MACROD2: variants seen among roughly 807,000 people sequenced by gnomAD.
MACROD2 encodes mono-ADP ribosylhydrolase 2.
A neutral mutation model predicts 70.4 loss-of-function variants in MACROD2; 36 were observed. The observed-to-expected ratio is 0.51, with a 90% CI of 0.39 to 0.68. The LOEUF (loss-of-function observed/expected upper bound fraction) is 0.68. Ranked by LOEUF, MACROD2 falls within the 30% of genes least tolerant of loss-of-function variation. MACROD2 has a pLI of 0.00. For synonymous variants in MACROD2, 172 were observed against 178.8 expected (o/e 0.96, Z 0.30); for missense variants, 496 against 538.4 (o/e 0.92, Z 0.78).
intron 3 of MACROD2, among the ~76,000 whole-genome samples, chr20:14,440,478 A>T (rs2084108977): frequency 6.6e-6 from 1 of 152,158 alleles, no homozygotes; most frequent in African/African-American, 2.4e-5. Context: ...CCTGAAGAAC[A>T]TTGCCTGGCT....
chr20:15,884,602 A>G (rs2064799051), intron 9 of MACROD2, among the ~76,000 whole-genome samples: 1 of 152,042 alleles, frequency 6.6e-6, no homozygotes, highest in Non-Finnish European at 1.5e-5. Flanking sequence ...GGAGAGAGAA[A>G]AAGAGAGGAG....
chr20:15,024,548 A>G (rs1470231327), intron 5 of MACROD2, among the ~76,000 whole-genome samples: 1 of 152,036 alleles, frequency 6.6e-6, no homozygotes, highest in Non-Finnish European at 1.5e-5. Flanking sequence ...TATCATAATA[A>G]AAAACATTTG....
Position 14,802,520 on chromosome 20 carries a change from C to T in MACROD2, c.418+117561C>T, listed in dbSNP as rs577774281. Among the ~76,000 whole-genome samples, 35 of 151,996 alleles carry T rather than the reference C, an allele frequency of 2.3e-4. No homozygotes were observed. In the East Asian group the frequency reaches 6.2e-3, roughly 27 times the overall value. The stretch of plus-strand genomic sequence containing the variant: ...GTGCTTACACATTCAGTCACACATA[C>T]GCAATTATTTCTTTTAATTTAGACA... On this transcript the variant is annotated intron_variant, in intron 5 of 17. Coordinates refer to ENST00000684519, the MANE Select transcript of MACROD2 (RefSeq NM_001351661.2).
rs571349392 is a variant in MACROD2 at position 15,348,862 on chromosome 20, G to A, written c.541-82543G>A. On this transcript the variant is annotated intron_variant, in intron 6 of 17. Coordinates refer to ENST00000684519, the MANE Select transcript of MACROD2 (RefSeq NM_001351661.2). Reference sequence around the variant, plus strand: ...GAGCTACAATTCAAGATAAGATTTGGGCGGGGTCACAGCCAAACAATATCA... The same window carrying A: ...GAGCTACAATTCAAGATAAGATTTGAGCGGGGTCACAGCCAAACAATATCA... Among the ~76,000 whole-genome samples, 11 of 152,180 alleles carry A rather than the reference G, an allele frequency of 7.2e-5. No individual in the cohort carries two copies. In the East Asian group the frequency reaches 1.9e-3, roughly 27 times the overall value.
rs184471423 is a variant in MACROD2 at position 14,564,443 on chromosome 20, A to G, written c.301+70935A>G. 4.6e-4 allele frequency among the ~76,000 whole-genome samples: 70 copies of G among 152,120 alleles called. No individual in the cohort carries two copies. The Middle Eastern group carries it at 0.017, about 37-fold the overall frequency. On this transcript the variant is annotated intron_variant, in intron 4 of 17. Transcript: ENST00000684519. ...GAATGGGAGAAAATATTTGCAAACA[A>G]TGCATCTGGACAAAGGTCTAATATC...
At chr20:14,103,045 T>G (rs2054320036) in intron 3 of MACROD2, among the ~76,000 whole-genome samples, 1 of 152,196 alleles carries the variant, frequency 6.6e-6, no homozygotes, top group Non-Finnish European at 1.5e-5. Context: ...GCCCTGCATC[T>G]CAGCGTCTTT....
At position 15,688,349 on chromosome 20, in the gene MACROD2, G is replaced by A. The variant is rs568353498; in HGVS notation, c.646-174396G>A. On this transcript the variant is annotated intron_variant, in intron 8 of 17. Transcript: ENST00000684519. Reference sequence around the variant, plus strand: ...TCCTCAGGTCAGCCAGTTCTCCCTGGGATAGAGGAACCAGGGAAGAATCAA... The same window carrying A: ...TCCTCAGGTCAGCCAGTTCTCCCTGAGATAGAGGAACCAGGGAAGAATCAA... Among the ~76,000 whole-genome samples the A allele has an allele frequency of 6.6e-5, 10 of 152,274 alleles. No individual in the cohort carries two copies. In the South Asian group the frequency reaches 1.9e-3, roughly 28 times the overall value.
chr20:15,703,233 C>G (rs2050485864), intron 8 of MACROD2, among the ~76,000 whole-genome samples: 1 of 152,200 alleles, frequency 6.6e-6, no homozygotes. Flanking sequence ...GAATAAAGAT[C>G]TGTTCTAATT....
chr20:14,432,350 G>A (rs747803606), intron 3 of MACROD2, among the ~76,000 whole-genome samples: 6 of 151,400 alleles, frequency 4.0e-5, no homozygotes, highest in Non-Finnish European at 8.8e-5. Flanking sequence ...CTGTTTAAAT[G>A]GAATTGTTTA....
chr20:15,887,414 G>C lies in MACROD2; in HGVS notation c.775+1603G>C, dbSNP rs530511246. ...AAAGTCAGGAGCAGGAATAAAGGAG[G>C]TAGAAGAGGAACTGTAGCAGTGGCT... On this transcript the variant is annotated intron_variant, in intron 10 of 17. Transcript: ENST00000684519. 1.5e-4 allele frequency among the ~76,000 whole-genome samples: 23 copies of C among 152,278 alleles called. No homozygotes were observed. The South Asian group carries it at 4.8e-3, about 32-fold the overall frequency.
At chr20:14,322,459 A>T (rs1224141702) in intron 3 of MACROD2, among the ~76,000 whole-genome samples, 3 of 145,126 alleles carry the variant, frequency 2.1e-5, no homozygotes, top group Non-Finnish European at 4.5e-5. Flanking sequence ...GACTTTATGG[A>T]GACATCCAGT....
chr20:15,795,919 A>G (rs950202355), intron 8 of MACROD2, among the ~76,000 whole-genome samples: 6 of 152,190 alleles, frequency 3.9e-5, no homozygotes, highest in African/African-American at 1.4e-4. Context: ...TCATAATGCC[A>G]CATTAGCATT....
chr20:13,999,990 G>A (rs1276779321), intron 1 of MACROD2, among the ~76,000 whole-genome samples: 2 of 152,076 alleles, frequency 1.3e-5, no homozygotes, highest in African/African-American at 2.4e-5. Flanking sequence ...CTCCAGCCTG[G>A]TGACAGAGCA....
intron 3 of MACROD2, among the ~76,000 whole-genome samples, chr20:14,360,391 T>C (rs1186916761): frequency 6.6e-6 from 1 of 152,220 alleles, no homozygotes; most frequent in Non-Finnish European, 1.5e-5. Context: ...ACAATTTGTA[T>C]TTAAAAAACA....
chr20:15,238,729 C>T (rs932166476), intron 6 of MACROD2, among the ~76,000 whole-genome samples: 15 of 152,080 alleles, frequency 9.9e-5, no homozygotes, highest in Non-Finnish European at 2.2e-4. Context: ...AGATGTAAGT[C>T]TACTAGCAAG....
intron 5 of MACROD2, among the ~76,000 whole-genome samples, chr20:15,006,476 C>T (rs1411431263): frequency 4.0e-5 from 6 of 151,654 alleles, no homozygotes; most frequent in African/African-American, 1.2e-4. Flanking sequence ...ATTTGCTAAG[C>T]GAGTATAACA....
intron 3 of MACROD2, among the ~76,000 whole-genome samples, chr20:14,269,084 A>G (rs1007844382): frequency 6.6e-6 from 1 of 152,304 alleles, no homozygotes; most frequent in African/African-American, 2.4e-5. Flanking sequence ...TCAGCACTAC[A>G]TAATCAAGAT....
chr20:14,012,165 C>T (rs2052919462), intron 2 of MACROD2, among the ~76,000 whole-genome samples: 1 of 152,128 alleles, frequency 6.6e-6, no homozygotes, highest in African/African-American at 2.4e-5. Flanking sequence ...CCTCTGCGTC[C>T]CAAAGTGCTG....
chr20:15,253,079 T>C (rs574911553), intron 6 of MACROD2, among the ~76,000 whole-genome samples: 1 of 152,150 alleles, frequency 6.6e-6, no homozygotes, highest in South Asian at 2.1e-4. Flanking sequence ...ACTAGGAAAA[T>C]GAAGAAACAA....
Sources: allele counts gnomAD v4.1 joint callset (sites outside exome capture counted in the v4.1 genomes callset), GRCh38; gene constraint gnomAD v4.1.1; transcripts MANE v1.5; gene names NCBI Gene and HGNC (gene_info 2026-07-23, HGNC 2026-07-21).